Variants in KYAT1 observed in about 807,000 individuals in gnomAD.
The protein encoded by KYAT1 is kynurenine aminotransferase 1.
A neutral mutation model predicts 52.4 loss-of-function variants in KYAT1; 47 were observed. The observed-to-expected ratio is 0.90, with a 90% CI of 0.71 to 1.14. The LOEUF is 1.14. KYAT1 is among the 50% of genes most tolerant of loss of function. The probability of loss-of-function intolerance (pLI) is 0.00; values close to 1 mark genes in which losing one functional copy is unlikely to be tolerated. For synonymous variants in KYAT1, 212 were observed against 209.6 expected (o/e 1.01, Z -0.10); for missense variants, 480 against 557.9 (o/e 0.86, Z 1.41).
At chr9:128,847,208 T>C (rs1484604716) in intron 1 of KYAT1, among the ~76,000 whole-genome samples, 2 of 152,114 alleles carry the variant, frequency 1.3e-5, no homozygotes, top group African/African-American at 4.8e-5. Flanking sequence ...GCACAGGGGA[T>C]CATGGGAAGC....
rs1448715872 is a variant in KYAT1 at position 128,842,663 on chromosome 9, G to A, written c.192C>T (p.Thr64=). ...VSGDFMLNQY[T]KTFGYPPLTK... ...AGATGGGGAGACTCACAAATGTCTT[G>A]GTGTACTGGTTAAGCATGAAGTCTC... The change falls in exon 3 of 13, where the codon ACC becomes ACT. Residue 64 remains threonine, a synonymous_variant. Transcript: ENST00000302586. 1 of 1,613,820 alleles carries A rather than the reference G, an allele frequency of 6.2e-7. No homozygotes were observed. The highest frequency in any genetic ancestry group is 8.5e-7 in the Non-Finnish European group (1 of 1,179,828).
chr9:128,866,342 G>A (rs1255133935), intron 1 of KYAT1, among the ~76,000 whole-genome samples: 1 of 152,252 alleles, frequency 6.6e-6, no homozygotes, highest in Admixed American at 6.5e-5. Context: ...GCTCACGCCT[G>A]TAATCCCAGC....
chr9:128,851,986 T>C (rs907341431), intron 1 of KYAT1, among the ~76,000 whole-genome samples: 2 of 152,124 alleles, frequency 1.3e-5, no homozygotes, highest in Non-Finnish European at 2.9e-5. Context: ...CTCGTGGCAC[T>C]CATTATTGCC....
rs1488928247 is a variant in KYAT1 at position 128,847,537 on chromosome 9, G to A, written c.-6-2126C>T. 2.6e-6 allele frequency: 4 copies of A among 1,532,838 alleles called. No homozygotes were observed. The African/African-American group carries it at 4.1e-5, about 16-fold the overall frequency. The allele number at this position is 1,532,838 out of a possible 1,614,324, so 95.0% of individuals were successfully genotyped here. ...GCTGCAGTCCTGAACATGCCTCCCA[G>A]AGCCTTGGGGCACTGCAGACTTTTC... On this transcript the variant is annotated intron_variant, in intron 1 of 12. Transcript: ENST00000302586.
chr9:128,842,174 C>CA, intron 3 of KYAT1: 2 of 265,140 alleles, frequency 7.5e-6, no homozygotes, highest in East Asian at 1.2e-4. Context: ...GCCTGGATAA[C>CA]AGAGTGAGAC....
At chr9:128,878,981 G>A (rs1838412287) in intron 1 of KYAT1, among the ~76,000 whole-genome samples, 1 of 152,326 alleles carries the variant, frequency 6.6e-6, no homozygotes, top group East Asian at 1.9e-4. Context: ...CCAGCTGCAA[G>A]CTGGGGAATG....
chr9:128,856,656 G>A (rs1834646013), intron 1 of KYAT1, among the ~76,000 whole-genome samples: 1 of 152,230 alleles, frequency 6.6e-6, no homozygotes, highest in African/African-American at 2.4e-5. Flanking sequence ...ATCTAGGGCT[G>A]TGCAGGATAT....
At position 128,835,411 on chromosome 9, in the gene KYAT1, C is replaced by T; in HGVS notation, c.1043-9G>A. On this transcript the variant is annotated splice_polypyrimidine_tract_variant and intron_variant, in intron 10 of 12. Transcript: ENST00000302586. The stretch of plus-strand genomic sequence containing the variant: ...GTCAGGCATCTTCCTCTCTGGGAGA[C>T]AGAGGCCACACTGAGCCCCCTGCAG... 6.2e-7 allele frequency: 1 copy of T among 1,613,962 alleles called. No homozygotes were observed. The highest frequency in any genetic ancestry group is 8.5e-7 in the Non-Finnish European group (1 of 1,179,920).
chr9:128,847,758 C>T (rs1174682022), intron 1 of KYAT1: 3 of 486,480 alleles, frequency 6.2e-6, no homozygotes, highest in Non-Finnish European at 1.1e-5. Context: ...TATAAGAACC[C>T]TGTTACTCAT....
At chr9:128,863,136 T>A (rs1213394654) in intron 1 of KYAT1, among the ~76,000 whole-genome samples, 1 of 151,722 alleles carries the variant, frequency 6.6e-6, no homozygotes, top group Non-Finnish European at 1.5e-5. Context: ...CAGAAGTGAA[T>A]GTTATGTTGC....
intron 1 of KYAT1, among the ~76,000 whole-genome samples, chr9:128,846,235 C>T (rs1314414686): frequency 6.6e-6 from 1 of 152,152 alleles, no homozygotes; most frequent in African/African-American, 2.4e-5. Flanking sequence ...TCGAGACCAG[C>T]CTGGCCAACA....
chr9:128,870,147 T>C (rs567079500), intron 1 of KYAT1, among the ~76,000 whole-genome samples: 1 of 152,300 alleles, frequency 6.6e-6, no homozygotes, highest in South Asian at 2.1e-4. Flanking sequence ...CCAAAAGAAC[T>C]GAAAACATAT....
intron 11 of KYAT1, chr9:128,835,081 G>A (rs953940491): frequency 4.6e-5 from 23 of 503,036 alleles, no homozygotes; most frequent in Non-Finnish European, 7.6e-5. Context: ...AGCTTGCAGT[G>A]AGCCAAGATC....
chr9:128,841,694 CAAAAAAAAA>C (rs71383615), intron 3 of KYAT1, among the ~76,000 whole-genome samples: 42 of 105,866 alleles, frequency 4.0e-4, no homozygotes, highest in African/African-American at 1.5e-3. Context: ...GACTCCATCT[CAAAAAAAAA>C]AAAAAAAAAA....
chr9:128,871,639 G>A (rs755020302), intron 1 of KYAT1, among the ~76,000 whole-genome samples: 22 of 151,742 alleles, frequency 1.4e-4, no homozygotes, highest in Non-Finnish European at 2.4e-4. Context: ...TTGAGCCCAG[G>A]CAGTCGAGGC....
chr9:128,836,592 C>T (rs1831166262), intron 7 of KYAT1, among the ~76,000 whole-genome samples: 1 of 152,164 alleles, frequency 6.6e-6, no homozygotes, highest in Non-Finnish European at 1.5e-5. Context: ...ACCCACCATG[C>T]TCGGCATAGG....
intron 1 of KYAT1, among the ~76,000 whole-genome samples, chr9:128,859,407 C>T (rs1453879758): frequency 6.6e-6 from 1 of 151,982 alleles, no homozygotes; most frequent in Non-Finnish European, 1.5e-5. Flanking sequence ...GTGGCTCCTG[C>T]CTGTAATCCC....
intron 1 of KYAT1, chr9:128,846,600 CAAAAAA>C (rs57333664): frequency 3.4e-3 from 1,434 of 418,004 alleles, no homozygotes; most frequent in South Asian, 6.4e-3. Flanking sequence ...AAGACTCTAC[CAAAAAA>C]AAAAAAAAAA....
At chr9:128,875,043 T>G (rs1029397333) in intron 1 of KYAT1, among the ~76,000 whole-genome samples, 3 of 151,912 alleles carry the variant, frequency 2.0e-5, no homozygotes, top group African/African-American at 7.3e-5. Flanking sequence ...TCCTTTAATG[T>G]GAAGTTTTGC....
Sources: allele counts gnomAD v4.1 joint callset (sites outside exome capture counted in the v4.1 genomes callset), GRCh38; gene constraint gnomAD v4.1.1; transcripts MANE v1.5; gene names NCBI Gene and HGNC (gene_info 2026-07-23, HGNC 2026-07-21).